Variants in NTM observed in about 807,000 individuals in gnomAD.
The protein encoded by NTM is neurotrimin.
NTM carries 13 observed loss-of-function variants against 42.1 expected under a neutral mutation model. That is an observed-to-expected ratio of 0.31 (90% CI 0.20 to 0.49). The LOEUF is 0.49. NTM is among the 20% of genes least tolerant of loss of function. The pLI, the probability that NTM is intolerant of heterozygous loss-of-function variation, is 0.99. For missense variants in NTM, 373 were observed against 452.8 expected, an observed-to-expected ratio of 0.82 and a Z score of 1.60; for synonymous variants, 187 against 179.2, an observed-to-expected ratio of 1.04 and a Z score of -0.35.
At chr11:131,809,936 C>A (rs376417474) in intron 1 of NTM, among the ~76,000 whole-genome samples, 2 of 152,176 alleles carry the variant, frequency 1.3e-5, no homozygotes, top group African/African-American at 2.4e-5. Context: ...TTAATGCATA[C>A]GTGAATACAC....
intron 2 of NTM, among the ~76,000 whole-genome samples, chr11:132,073,296 T>G (rs1183996867): frequency 2.0e-5 from 3 of 152,204 alleles, no homozygotes; most frequent in African/African-American, 7.2e-5. Flanking sequence ...GGACCTCAGT[T>G]TATCCAACTA....
At chr11:131,677,015 A>T in intron 1 of NTM, among the ~76,000 whole-genome samples, 1 of 77,160 alleles carries the variant, frequency 1.3e-5, no homozygotes, top group African/African-American at 3.4e-5. Flanking sequence ...ATGATGACAG[A>T]CTGATTGGTA....
intron 1 of NTM, among the ~76,000 whole-genome samples, chr11:131,885,378 C>T (rs1043581874): frequency 4.6e-5 from 7 of 152,220 alleles, no homozygotes; most frequent in African/African-American, 7.2e-5. Context: ...GGCTACACAA[C>T]TGCGGGCAGG....
At chr11:131,493,794 C>T (rs1274865811) in intron 1 of NTM, among the ~76,000 whole-genome samples, 2 of 152,176 alleles carry the variant, frequency 1.3e-5, no homozygotes, top group Non-Finnish European at 2.9e-5. Context: ...TATTCCTTTA[C>T]CCAGAAACCA....
intron 2 of NTM, among the ~76,000 whole-genome samples, chr11:132,115,131 T>G (rs2063714049): frequency 6.6e-6 from 1 of 152,116 alleles, no homozygotes; most frequent in Non-Finnish European, 1.5e-5. Flanking sequence ...AGACTAGTGG[T>G]TGCCTAGGGT....
At chr11:131,585,094 G>A (rs1311819057) in intron 1 of NTM, among the ~76,000 whole-genome samples, 2 of 152,218 alleles carry the variant, frequency 1.3e-5, no homozygotes, top group South Asian at 2.1e-4. Flanking sequence ...GCTATTGGAC[G>A]GATGGGAGGA....
At chr11:131,452,251 C>A (rs11608043) in intron 1 of NTM, among the ~76,000 whole-genome samples, 4,938 of 152,332 alleles carry the variant, frequency 0.032, 103 homozygotes, top group Non-Finnish European at 0.045. Flanking sequence ...TGCTGCCGAG[C>A]GCCCCGTGGC....
intron 1 of NTM, among the ~76,000 whole-genome samples, chr11:131,548,796 G>A (rs998728792): frequency 6.6e-6 from 1 of 152,132 alleles, no homozygotes; most frequent in Non-Finnish European, 1.5e-5. Context: ...AAAGAAACAA[G>A]CCCACAGCAA....
intron 1 of NTM, among the ~76,000 whole-genome samples, chr11:131,838,634 T>C (rs1258028933): frequency 6.6e-6 from 1 of 152,140 alleles, no homozygotes; most frequent in Non-Finnish European, 1.5e-5. Flanking sequence ...GGGAGAAAGT[T>C]AAAAATTCAT....
intron 1 of NTM, among the ~76,000 whole-genome samples, chr11:131,374,239 G>A (rs1395386745): frequency 1.3e-5 from 2 of 152,216 alleles, no homozygotes; most frequent in Admixed American, 6.5e-5. Context: ...CTGGCAAGGC[G>A]TGCACAGTGG....
chr11:131,372,243 T>C (rs149455647), intron 1 of NTM, among the ~76,000 whole-genome samples: 1 of 151,128 alleles, frequency 6.6e-6, no homozygotes, highest in African/African-American at 2.4e-5. Flanking sequence ...ACAGGAGGGA[T>C]CTGTGTCGGG....
intron 2 of NTM, among the ~76,000 whole-genome samples, chr11:131,942,789 C>G (rs575975975): frequency 1.3e-5 from 2 of 151,726 alleles, no homozygotes; most frequent in South Asian, 4.2e-4. Flanking sequence ...CTACTAAAAA[C>G]GCAAAAATTA....
intron 1 of NTM, among the ~76,000 whole-genome samples, chr11:131,740,505 G>GAT (rs1382009911): frequency 6.6e-6 from 1 of 152,150 alleles, no homozygotes; most frequent in African/African-American, 2.4e-5. Flanking sequence ...CTAATTAAAC[G>GAT]ATGTGTGTCA....
At chr11:131,526,722 A>T (rs1336977709) in intron 1 of NTM, among the ~76,000 whole-genome samples, 1 of 152,210 alleles carries the variant, frequency 6.6e-6, no homozygotes, top group East Asian at 1.9e-4. Flanking sequence ...ACAGGAAGGA[A>T]TGTGAGGGAG....
At chr11:131,904,069 G>A (rs574438609) in intron 1 of NTM, among the ~76,000 whole-genome samples, 1 of 152,202 alleles carries the variant, frequency 6.6e-6, no homozygotes, top group East Asian at 1.9e-4. Flanking sequence ...AAATATATTT[G>A]CACAAATGTC....
chr11:131,628,722 C>A (rs529040415), intron 1 of NTM, among the ~76,000 whole-genome samples: 1 of 152,302 alleles, frequency 6.6e-6, no homozygotes, highest in African/African-American at 2.4e-5. Context: ...CCAAGGGACA[C>A]CTGAGTTGAA....
In NTM at chr11:131,564,609, G is replaced by A. The variant is rs139110107; in HGVS notation, c.82+193721G>A. Among the ~76,000 whole-genome samples the A allele has an allele frequency of 3.3e-5, 5 of 152,100 alleles. No homozygotes were observed. The East Asian group carries it at 5.8e-4, about 18-fold the overall frequency. On this transcript the variant is annotated intron_variant, in intron 1 of 8. Transcript: ENST00000683400. ...AGTTTGGACATTTGTGTATACTCAT[G>A]TTATCATCACTACCATCAAGGTAAC...
At chr11:132,075,570 C>T (rs1418956474) in intron 2 of NTM, among the ~76,000 whole-genome samples, 1 of 152,140 alleles carries the variant, frequency 6.6e-6, no homozygotes, top group Non-Finnish European at 1.5e-5. Context: ...CTGATGATCT[C>T]AGGTTCATAC....
chr11:131,890,643 A>G (rs1467193065), intron 1 of NTM, among the ~76,000 whole-genome samples: 2 of 152,118 alleles, frequency 1.3e-5, no homozygotes, highest in Non-Finnish European at 2.9e-5. Flanking sequence ...AACAACTTTC[A>G]TCCCTGGTCA....
Sources: gnomAD v4.1 joint callset for allele counts (sites outside exome capture counted in the v4.1 genomes callset) on GRCh38, gnomAD v4.1.1 for gene constraint, MANE v1.5 for transcripts, NCBI Gene and HGNC (gene_info 2026-07-23, HGNC 2026-07-21) for gene names.